OPRPN: variants seen among roughly 807,000 people sequenced by gnomAD.
OPRPN encodes the protein opiorphin prepropeptide.
In OPRPN, 1 loss-of-function variant was observed where a neutral mutation model predicts 2.2. The ratio of observed to expected loss-of-function variants is 0.45; its 90% CI spans 0.16 to 2.15. The LOEUF (loss-of-function observed/expected upper bound fraction) is 2.15. OPRPN is among the 30% of genes most tolerant of loss of function. The pLI is 0.28. For missense variants in OPRPN, 306 were observed against 297.3 expected (o/e 1.03, Z -0.21); for synonymous variants, 126 against 111.5 (o/e 1.13, Z -0.82).
rs141364840 is a variant in OPRPN at position 70,404,927 on chromosome 4, G to T, written c.52-4453G>T. Reference sequence around the variant, plus strand: ...TTTTGATTATTTTAAACCATCAAATGTTAAAACTACAGAGAGAATATAATC... The same window carrying T: ...TTTTGATTATTTTAAACCATCAAATTTTAAAACTACAGAGAGAATATAATC... On this transcript the variant is annotated intron_variant, in intron 2 of 2. Coordinates refer to ENST00000399575, the MANE Select transcript of OPRPN (RefSeq NM_021225.5). 1.1e-4 allele frequency among the ~76,000 whole-genome samples: 16 copies of T among 152,242 alleles called. No homozygotes were observed. In the East Asian group the frequency reaches 3.1e-3, roughly 29 times the overall value.
chr4:70,401,414 A>G (rs1732982674), intron 2 of OPRPN, among the ~76,000 whole-genome samples: 1 of 152,116 alleles, frequency 6.6e-6, no homozygotes, highest in Non-Finnish European at 1.5e-5. Context: ...CTTAGCATCT[A>G]GAACTTTCAA....
chr4:70,407,958 G>A (rs1002564189), intron 2 of OPRPN, among the ~76,000 whole-genome samples: 1 of 152,178 alleles, frequency 6.6e-6, no homozygotes, highest in Non-Finnish European at 1.5e-5. Flanking sequence ...GATGGGTGTA[G>A]AGGGGAGCAA....
intron 2 of OPRPN, among the ~76,000 whole-genome samples, chr4:70,401,174 C>A (rs1732977931): frequency 6.6e-6 from 1 of 151,848 alleles, no homozygotes; most frequent in African/African-American, 2.4e-5. Context: ...TATAGAATCC[C>A]ATTTATATAA....
At chr4:70,399,208 T>G in intron 1 of OPRPN, 63 bp from the exon 2 acceptor site, 2 of 1,237,142 alleles carry the variant, frequency 1.6e-6, no homozygotes, top group Non-Finnish European at 2.3e-6. Flanking sequence ...TTTAAAAAAT[T>G]TTTTCTGAAA....
intron 2 of OPRPN, among the ~76,000 whole-genome samples, chr4:70,403,889 C>A (rs1173253021): frequency 6.6e-6 from 1 of 152,080 alleles, no homozygotes; most frequent in Non-Finnish European, 1.5e-5. Context: ...GAGATTCCTG[C>A]AATTATCCTG....
At chr4:70,401,162 A>G (rs1732977585) in intron 2 of OPRPN, among the ~76,000 whole-genome samples, 1 of 152,080 alleles carries the variant, frequency 6.6e-6, no homozygotes, top group Non-Finnish European at 1.5e-5. Flanking sequence ...ACCTTGAAAG[A>G]GTATAGAATC....
rs377633715 is a variant in OPRPN, at chr4:70,409,571, A to G, written c.243A>G (p.Ala81=). The change falls in exon 3 of 3, where the codon GCA becomes GCG. Residue 81 remains alanine (A), a synonymous_variant. Transcript: ENST00000399575. ...PPSSFSRFSQ[A]VILSQLFPLE... Reference sequence around the variant, plus strand: ...CTTCTTTCTCTCGATTTAGCCAAGCAGTCATTCTATCTCAACTCTTTCCAT... The same window carrying G: ...CTTCTTTCTCTCGATTTAGCCAAGCGGTCATTCTATCTCAACTCTTTCCAT... 4.3e-6 allele frequency: 7 copies of G among 1,613,768 alleles called. No homozygotes were observed. The highest frequency in any genetic ancestry group is 1.7e-5 in the Admixed American group (1 of 59,990).
chr4:70,409,958 C>A lies in OPRPN; in HGVS notation c.630C>A (p.Asn210Lys). Residue 210 changes from asparagine to lysine, a missense_variant, in exon 3 of 3, where the codon AAC becomes AAA. Asn to Lys is a moderately conservative substitution (Grantham distance 94, BLOSUM62 0). Transcript: ENST00000399575. ...AAAATACTACTCAAATTCTCGCCAACCGTCCTCACACAGTATTGCTCAATG... is the reference window on the plus strand; with the variant it reads ...AAAATACTACTCAAATTCTCGCCAAACGTCCTCACACAGTATTGCTCAATG... ...STENTTQILANRPHTVLLNAT... is the reference protein window; with the variant it reads ...STENTTQILAKRPHTVLLNAT... The A allele has an allele frequency of 1.2e-6, 2 of 1,614,034 alleles. No individual in the cohort carries two copies. Among genetic ancestry groups the A allele is most frequent in the Non-Finnish European group, 1.7e-6 (2 of 1,179,866 alleles).
intron 2 of OPRPN, among the ~76,000 whole-genome samples, chr4:70,405,769 T>C (rs1733075268): frequency 1.3e-5 from 2 of 152,062 alleles, no homozygotes; most frequent in Admixed American, 6.6e-5. Context: ...TCAAAAACAT[T>C]TACTAAGAAC....
At chr4:70,402,544 A>T (rs1204774321) in intron 2 of OPRPN, among the ~76,000 whole-genome samples, 1 of 152,104 alleles carries the variant, frequency 6.6e-6, no homozygotes, top group East Asian at 1.9e-4. Flanking sequence ...ACTATTCTAG[A>T]TGTTGGGTAA....
At chr4:70,409,268 T>C (rs896443383) in intron 2 of OPRPN, 112 bp from the exon 3 acceptor site, 1 of 792,452 alleles carries the variant, frequency 1.3e-6, no homozygotes, top group Non-Finnish European at 2.0e-6. Context: ...TGGCTTAGTA[T>C]ATCCTAATGT....
At chr4:70,404,988 T>C (rs1368515727) in intron 2 of OPRPN, among the ~76,000 whole-genome samples, 3 of 152,174 alleles carry the variant, frequency 2.0e-5, no homozygotes, top group Admixed American at 6.5e-5. Flanking sequence ...AATAATAATA[T>C]TAAAGCTACC....
At chr4:70,398,800 A>T (rs1042806101) in intron 1 of OPRPN, among the ~76,000 whole-genome samples, 7 of 151,926 alleles carry the variant, frequency 4.6e-5, no homozygotes, top group African/African-American at 1.7e-4. Flanking sequence ...CTTCAGACAG[A>T]TCTAATAACA....
chr4:70,408,848 G>A (rs1489374062), intron 2 of OPRPN, among the ~76,000 whole-genome samples: 1 of 152,136 alleles, frequency 6.6e-6, no homozygotes, highest in African/African-American at 2.4e-5. Flanking sequence ...TGTCATTGGA[G>A]GGTTATATCT....
intron 2 of OPRPN, among the ~76,000 whole-genome samples, chr4:70,407,718 A>G (rs1733121839): frequency 6.6e-6 from 1 of 152,232 alleles, no homozygotes; most frequent in Non-Finnish European, 1.5e-5. Flanking sequence ...ATAGACAGGA[A>G]GAATACAGCC....
intron 1 of OPRPN, 31 bp from the exon 2 acceptor site, chr4:70,399,240 T>C: frequency 6.6e-7 from 1 of 1,506,624 alleles, no homozygotes; most frequent in South Asian, 1.2e-5. Context: ...TCGATTTGGC[T>C]AACTGTGGAT....
intron 2 of OPRPN, among the ~76,000 whole-genome samples, chr4:70,402,263 G>C (rs919464375): frequency 6.6e-6 from 1 of 152,044 alleles, no homozygotes; most frequent in Non-Finnish European, 1.5e-5. Context: ...CAAGCCCTCA[G>C]GTGATACTGG....
chr4:70,401,206 T>TA (rs559542460), intron 2 of OPRPN, among the ~76,000 whole-genome samples: 4 of 152,012 alleles, frequency 2.6e-5, no homozygotes, highest in African/African-American at 9.7e-5. Flanking sequence ...TTCCATGTCC[T>TA]AAAAAAACAT....
At chr4:70,408,800 T>C (rs550346576) in intron 2 of OPRPN, among the ~76,000 whole-genome samples, 1 of 152,318 alleles carries the variant, frequency 6.6e-6, no homozygotes, top group South Asian at 2.1e-4. Flanking sequence ...CAACATACTA[T>C]ACTAGCTCCA....
Sources: gnomAD v4.1 joint callset for allele counts (sites outside exome capture counted in the v4.1 genomes callset) on GRCh38, gnomAD v4.1.1 for gene constraint, MANE v1.5 for transcripts, NCBI Gene and HGNC (gene_info 2026-07-23, HGNC 2026-07-21) for gene names.